Variants in SPAG17 observed in about 807,000 individuals in gnomAD.
SPAG17 encodes sperm-associated antigen 17.
SPAG17 carries 169 observed loss-of-function variants against 273.6 expected under a neutral mutation model. That is an observed-to-expected ratio of 0.62 (90% confidence interval 0.55 to 0.70). The LOEUF is 0.70. Ranked by LOEUF, SPAG17 falls within the 30% of genes least tolerant of loss-of-function variation. SPAG17 has a pLI of 0.00. For synonymous variants in SPAG17, 825 were observed against 873.2 expected (o/e 0.94, Z 0.97); for missense variants, 2,557 against 2,627.8 (o/e 0.97, Z 0.59).
At chr1:118,028,158 T>G in intron 26 of SPAG17, 116 bp downstream of exon 26, 1 of 1,216,804 alleles carries the variant, frequency 8.2e-7, no homozygotes, top group South Asian at 1.5e-5. Context: ...GTGAAAACAG[T>G]CTATTGTTCA....
At chr1:118,123,556 T>A (rs918452272) in intron 3 of SPAG17, among the ~76,000 whole-genome samples, 1 of 152,218 alleles carries the variant, frequency 6.6e-6, no homozygotes, top group African/African-American at 2.4e-5. Context: ...ATGAAAGTGC[T>A]CAGACCACAG....
In SPAG17 at chr1:118,144,267, C is replaced by T. The variant is rs151050045; in HGVS notation, c.315+6276G>A. ...CAGTGACTAGCTTGAACTTGACTTT[C>T]TCTGCTGAGCTGCTTTGGTGCCCTC... is the stretch of plus-strand genomic sequence containing the variant. On this transcript the variant is annotated intron_variant, in intron 3 of 48. Transcript: ENST00000336338. Among the ~76,000 whole-genome samples the T allele has an allele frequency of 6.5e-3, 983 of 152,330 alleles. 8 individuals are homozygous for T. The highest frequency in any genetic ancestry group is 0.026 in the South Asian group (126 of 4,834).
intron 3 of SPAG17, among the ~76,000 whole-genome samples, chr1:118,142,018 A>AG (rs1658709578): frequency 6.6e-6 from 1 of 151,066 alleles, no homozygotes; most frequent in African/African-American, 2.4e-5. Context: ...CTCCACTTAG[A>AG]GAAAAACCTC....
chr1:118,084,387 GCTTC>G (rs1436650849), intron 13 of SPAG17, among the ~76,000 whole-genome samples: 3 of 152,172 alleles, frequency 2.0e-5, no homozygotes, highest in African/African-American at 4.8e-5. Context: ...TAGGTCAAAT[GCTTC>G]CTTGTCAAGT....
intron 31 of SPAG17, among the ~76,000 whole-genome samples, chr1:118,006,141 A>G (rs994720016): frequency 6.6e-6 from 1 of 152,238 alleles, no homozygotes; most frequent in Non-Finnish European, 1.5e-5. Flanking sequence ...TTTACCCTTT[A>G]AAAGTGTATA....
At chr1:118,009,977 G>C (rs1659304305) in intron 30 of SPAG17, among the ~76,000 whole-genome samples, 1 of 152,054 alleles carries the variant, frequency 6.6e-6, no homozygotes, top group African/African-American at 2.4e-5. Context: ...ATTATTTTAA[G>C]TAAAATAATC....
At chr1:118,176,444 C>G (rs937216765) in intron 1 of SPAG17, among the ~76,000 whole-genome samples, 13 of 152,130 alleles carry the variant, frequency 8.5e-5, no homozygotes, top group Non-Finnish European at 1.5e-4. Context: ...CATTACAAAT[C>G]ATGACTGCAC....
intron 40 of SPAG17, among the ~76,000 whole-genome samples, chr1:117,986,922 C>G (rs1656480171): frequency 6.6e-6 from 1 of 152,226 alleles, no homozygotes; most frequent in Admixed American, 6.5e-5. Flanking sequence ...ATAAGACTCT[C>G]TCATGAGAGG....
At chr1:117,977,613 T>C (rs1295649741) in intron 43 of SPAG17, among the ~76,000 whole-genome samples, 1 of 152,234 alleles carries the variant, frequency 6.6e-6, no homozygotes, top group Non-Finnish European at 1.5e-5. Context: ...TGTTAATTCC[T>C]TCCTACTCTG....
At chr1:118,175,590 A>C (rs1303768920) in intron 1 of SPAG17, among the ~76,000 whole-genome samples, 2 of 151,916 alleles carry the variant, frequency 1.3e-5, no homozygotes, top group African/African-American at 2.4e-5. Context: ...AAAAAAAAAA[A>C]AACTGCCATC....
chr1:118,006,133 T>A (rs1276761047), intron 31 of SPAG17, among the ~76,000 whole-genome samples: 1 of 152,238 alleles, frequency 6.6e-6, no homozygotes, highest in Non-Finnish European at 1.5e-5. Context: ...ATCATAGATT[T>A]ACCCTTTAAA....
At chr1:118,127,657 T>C (rs1422665511) in intron 3 of SPAG17, among the ~76,000 whole-genome samples, 4 of 152,226 alleles carry the variant, frequency 2.6e-5, no homozygotes, top group Non-Finnish European at 4.4e-5. Flanking sequence ...TGTATTTTGG[T>C]AGAGATTGCA....
intron 18 of SPAG17, among the ~76,000 whole-genome samples, chr1:118,063,991 A>G (rs1043440422): frequency 2.6e-5 from 4 of 152,238 alleles, no homozygotes; most frequent in African/African-American, 9.6e-5. Flanking sequence ...AAAAATACTC[A>G]TCATCACTGG....
intron 48 of SPAG17, chr1:117,955,437 A>C: frequency 7.6e-7 from 1 of 1,310,430 alleles, no homozygotes; most frequent in Non-Finnish European, 1.1e-6. Context: ...GGAAATAAAT[A>C]GAAATTATAA....
At position 117,971,940 on chromosome 1, in the gene SPAG17, G is replaced by A. The variant is rs762144742; in HGVS notation, c.6249C>T (p.Val2083=). The change falls in exon 45 of 49, where the codon GTC becomes GTT. Residue 2083 remains valine (V), a synonymous_variant. Transcript: ENST00000336338. ...GTCCTTCCTTAAGCACTCCAAACTT[G>A]ACTGATGATGGGAGAAGATGGAACC... The part of the protein sequence containing the change: ...LFGFHLLPSS[V]KFGVLKEGHT... The A allele has an allele frequency of 6.8e-6, 11 of 1,614,088 alleles. No homozygotes were observed. The African/African-American group carries it at 9.3e-5, about 14-fold the overall frequency.
intron 48 of SPAG17, 103 bp downstream of exon 48, chr1:117,963,696 G>A: frequency 9.3e-7 from 1 of 1,070,672 alleles, no homozygotes; most frequent in Non-Finnish European, 1.3e-6. Flanking sequence ...CAGGCCAGGT[G>A]GCTTATAGGT....
intron 3 of SPAG17, among the ~76,000 whole-genome samples, chr1:118,132,165 C>T (rs1423684642): frequency 2.6e-5 from 4 of 152,166 alleles, no homozygotes; most frequent in Non-Finnish European, 5.9e-5. Context: ...TCAGCAAAGG[C>T]TCCCTGCAGG....
At chr1:117,957,121 T>C in intron 48 of SPAG17, 1 of 1,612,390 alleles carries the variant, frequency 6.2e-7, no homozygotes, top group Non-Finnish European at 8.5e-7. Flanking sequence ...CCAGACATTC[T>C]TAAACTCTTT....
rs746496961 is a variant in SPAG17 at position 118,039,449 on chromosome 1, G to A, written c.3167-5C>T. The A allele has an allele frequency of 3.1e-6, 5 of 1,612,822 alleles. No individual in the cohort carries two copies. In the African/African-American group the frequency reaches 4.0e-5, roughly 13 times the overall value. The stretch of plus-strand genomic sequence containing the variant: ...TCACTTTGATAAAAGTTGGGCCTGA[G>A]GAGGAACCATAGAATAGAAGATGGG... On this transcript the variant is annotated splice_region_variant and splice_polypyrimidine_tract_variant and intron_variant, in intron 22 of 48. Coordinates refer to ENST00000336338, the MANE Select transcript of SPAG17 (RefSeq NM_206996.4).
Sources: gnomAD v4.1 joint callset for allele counts (sites outside exome capture counted in the v4.1 genomes callset) on GRCh38, gnomAD v4.1.1 for gene constraint, MANE v1.5 for transcripts, NCBI Gene and HGNC (gene_info 2026-07-23, HGNC 2026-07-21) for gene names.